FAT3: variants seen among roughly 807,000 people sequenced by gnomAD.
FAT3 encodes protocadherin Fat 3.
FAT3 carries 95 observed loss-of-function variants against 310.2 expected under a neutral mutation model. The observed-to-expected ratio is 0.31, with a 90% CI of 0.26 to 0.36. FAT3 has a LOEUF of 0.36. Among genes scored for constraint, FAT3 ranks in the 10% least tolerant of loss-of-function variants. The probability of loss-of-function intolerance (pLI) is 1.00; values close to 1 mark genes in which losing one functional copy is unlikely to be tolerated. For missense variants in FAT3, 5,408 were observed against 5,715.6 expected (o/e 0.95, Z 1.74); for synonymous variants, 2,314 against 2,192.9 (o/e 1.06, Z -1.54).
chr11:92,836,595 C>T lies in FAT3; in HGVS notation c.10116C>T (p.Pro3372=). Residue 3372 remains proline, a synonymous_variant, in exon 16 of 28, where the codon CCC becomes CCT. Transcript: ENST00000525166. ...LLIAEDVDSQ[P]NGQIHFSIVN... Reference sequence around the variant, plus strand: ...TAGCAGAAGATGTAGACAGCCAGCCCAACGGACAGATTCATTTTTCCATTG... The same window carrying T: ...TAGCAGAAGATGTAGACAGCCAGCCTAACGGACAGATTCATTTTTCCATTG... 1.2e-6 allele frequency: 2 copies of T among 1,613,746 alleles called. No homozygotes were observed. Among genetic ancestry groups the T allele is most frequent in the Non-Finnish European group, 1.7e-6 (2 of 1,179,768 alleles).
In FAT3 at chr11:92,430,164, A is replaced by G. The variant is rs146635914; in HGVS notation, c.3292+74760A>G. On this transcript the variant is annotated intron_variant, in intron 2 of 27. Transcript: ENST00000525166. ...CTGATATTCTTTCTTCACTTGATCA[A>G]TTCAGCTATTGATACTTGTGTGTGC... Among the ~76,000 whole-genome samples, 1,087 of 152,290 alleles carry G rather than the reference A, an allele frequency of 7.1e-3. 6 individuals carry two copies. The highest frequency in any genetic ancestry group is 0.01 in the Non-Finnish European group (691 of 68,018).
At chr11:92,437,698 G>A (rs961921200) in intron 2 of FAT3, among the ~76,000 whole-genome samples, 1 of 152,140 alleles carries the variant, frequency 6.6e-6, no homozygotes, top group African/African-American at 2.4e-5. Context: ...GAGAATTGAG[G>A]GTCTTAATGG....
intron 2 of FAT3, among the ~76,000 whole-genome samples, chr11:92,488,546 G>T (rs117747207): frequency 0.031 from 4,374 of 142,132 alleles, 86 homozygotes; most frequent in Non-Finnish European, 0.046. Flanking sequence ...GGTCAGTGAT[G>T]CTACTGGTCC....
intron 2 of FAT3, chr11:92,400,139 A>G (rs1949979013): frequency 6.6e-6 from 1 of 152,154 alleles, no homozygotes; most frequent in Admixed American, 6.5e-5. Context: ...CTGTGTTAGT[A>G]TTTTTATCTA....
At chr11:92,508,232 A>G (rs1953179169) in intron 2 of FAT3, among the ~76,000 whole-genome samples, 2 of 152,218 alleles carry the variant, frequency 1.3e-5, no homozygotes, top group South Asian at 4.1e-4. Flanking sequence ...TCTCTGTGTC[A>G]TATGTGCAGT....
At chr11:92,651,860 T>C (rs907656670) in intron 3 of FAT3, among the ~76,000 whole-genome samples, 3 of 152,222 alleles carry the variant, frequency 2.0e-5, no homozygotes, top group Non-Finnish European at 4.4e-5. Context: ...TCTAAGTGTT[T>C]GACGTTGTGT....
intron 13 of FAT3, among the ~76,000 whole-genome samples, chr11:92,816,196 C>T (rs12273267): frequency 6.6e-6 from 1 of 152,146 alleles, no homozygotes; most frequent in African/African-American, 2.4e-5. Context: ...GAGTGTTAGC[C>T]AGGACAGGCT....
chr11:92,694,988 A>G (rs1196864690), intron 3 of FAT3, among the ~76,000 whole-genome samples: 1 of 152,142 alleles, frequency 6.6e-6, no homozygotes, highest in Non-Finnish European at 1.5e-5. Flanking sequence ...TGGGGTGACC[A>G]CACAGACCCT....
chr11:92,879,055 GA>G (rs891936056), intron 22 of FAT3, among the ~76,000 whole-genome samples: 30 of 147,086 alleles, frequency 2.0e-4, no homozygotes, highest in South Asian at 4.3e-4. Context: ...AAAGAGAGGG[GA>G]AAAAAAAAAC....
chr11:92,658,741 G>A (rs1942669359), intron 3 of FAT3, among the ~76,000 whole-genome samples: 1 of 152,134 alleles, frequency 6.6e-6, no homozygotes, highest in African/African-American at 2.4e-5. Flanking sequence ...AGAGATGCTT[G>A]TAGCTCCTTG....
chr11:92,261,940 A>G (rs1181723610), intron 1 of FAT3, among the ~76,000 whole-genome samples: 2 of 151,944 alleles, frequency 1.3e-5, no homozygotes, highest in East Asian at 3.9e-4. Flanking sequence ...CCTGCATTCC[A>G]GGTTTTCTTA....
At chr11:92,646,248 G>T (rs1400838928) in intron 3 of FAT3, among the ~76,000 whole-genome samples, 1 of 152,150 alleles carries the variant, frequency 6.6e-6, no homozygotes, top group Non-Finnish European at 1.5e-5. Context: ...ATGGATGGAA[G>T]GCTAGGCTCA....
chr11:92,442,111 A>ATTTTTTTTTTTTTTTTTTTT (rs869097021), intron 2 of FAT3, among the ~76,000 whole-genome samples: 3 of 45,218 alleles, frequency 6.6e-5, no homozygotes, highest in African/African-American at 3.7e-4. Flanking sequence ...ATATATATAT[A>ATTTTTTTTTTTTTTTTTTTT]TTTTTTTTTT....
In FAT3 at chr11:92,567,595, A is replaced by C. The variant is rs553686084; in HGVS notation, c.3607+42647A>C. 1.2e-3 allele frequency among the ~76,000 whole-genome samples: 189 copies of C among 151,974 alleles called. 5 individuals are homozygous for C. In the South Asian group the frequency reaches 0.039, roughly 31 times the overall value. On this transcript the variant is annotated intron_variant, in intron 3 of 27. Coordinates refer to ENST00000525166, the MANE Select transcript of FAT3 (RefSeq NM_001367949.2). ...TAAAGACACATGCACACGTATGTTT[A>C]TTGCGGCACTATTCACAATAGCAAA...
chr11:92,370,021 A>G (rs562104179), intron 2 of FAT3, among the ~76,000 whole-genome samples: 61 of 152,312 alleles, frequency 4.0e-4, no homozygotes, highest in African/African-American at 1.4e-3. Context: ...CAGGAAGCAC[A>G]CTAAAAGGGC....
rs1381988276 is a variant in FAT3, at chr11:92,667,139, T to TAGA, written c.3608-30244_3608-30243insGAA. Among the ~76,000 whole-genome samples, 15 of 152,352 alleles carry TAGA rather than the reference T, an allele frequency of 9.8e-5. No individual in the cohort carries two copies. The East Asian group carries it at 2.7e-3, about 27-fold the overall frequency. ...GATGAAGGAGTGATGCCTAAGGTTC[T>TAGA]ACTTGTAACTTTCATATCTGTGATG... On this transcript the variant is annotated intron_variant, in intron 3 of 27. Transcript: ENST00000525166.
intron 2 of FAT3, among the ~76,000 whole-genome samples, chr11:92,386,339 A>T (rs574046760): frequency 2.0e-5 from 3 of 152,268 alleles, no homozygotes; most frequent in African/African-American, 7.2e-5. Flanking sequence ...AAATATGGAC[A>T]CCTACCTCAA....
intron 3 of FAT3, among the ~76,000 whole-genome samples, chr11:92,632,276 G>T (rs544880913): frequency 8.6e-5 from 13 of 151,320 alleles, no homozygotes; most frequent in African/African-American, 2.7e-4. Flanking sequence ...ATTTAAATCT[G>T]CAGGAAAATA....
chr11:92,732,451 A>G (rs1945211120), intron 4 of FAT3, among the ~76,000 whole-genome samples: 3 of 152,182 alleles, frequency 2.0e-5, no homozygotes, highest in African/African-American at 7.2e-5. Context: ...AGGACACAAA[A>G]ATGAATAAGA....
Sources: gnomAD v4.1 joint callset for allele counts (sites outside exome capture counted in the v4.1 genomes callset) on GRCh38, gnomAD v4.1.1 for gene constraint, MANE v1.5 for transcripts, NCBI Gene and HGNC (gene_info 2026-07-23, HGNC 2026-07-21) for gene names.